Variants in EIPR1 observed in about 807,000 individuals in gnomAD.
EIPR1 encodes the protein EARP and GARP complex-interacting protein 1.
A neutral mutation model predicts 48.1 loss-of-function variants in EIPR1; 25 were observed. The observed-to-expected ratio is 0.52, with a 90% CI of 0.38 to 0.73. The LOEUF (loss-of-function observed/expected upper bound fraction) is 0.73. EIPR1 is among the 30% of genes least tolerant of loss of function. EIPR1 has a pLI of 0.00. For synonymous variants in EIPR1, 204 were observed against 201.9 expected (o/e 1.01, Z -0.09); for missense variants, 415 against 506.2 (o/e 0.82, Z 1.73).
At chr2:3,372,155 G>A (rs1368113971) in intron 1 of EIPR1, among the ~76,000 whole-genome samples, 3 of 150,836 alleles carry the variant, frequency 2.0e-5, no homozygotes, top group Non-Finnish European at 4.4e-5. Context: ...TGAAATGAAG[G>A]CAGAAATAAA....
chr2:3,277,924 T>G (rs1323891242), intron 3 of EIPR1, among the ~76,000 whole-genome samples: 1 of 152,196 alleles, frequency 6.6e-6, no homozygotes, highest in Admixed American at 6.5e-5. Flanking sequence ...GGCCCGTCCC[T>G]GCGTTCTCCA....
intron 1 of EIPR1, among the ~76,000 whole-genome samples, chr2:3,361,730 A>G: frequency 7.2e-6 from 1 of 139,226 alleles, no homozygotes; most frequent in East Asian, 2.1e-4. Context: ...GGGCACCTCC[A>G]CCCTCTGACC....
Position 3,338,037 on chromosome 2 carries a change from A to G in EIPR1, c.239T>C (p.Leu80Pro). 1 of 1,603,648 alleles carries G rather than the reference A, an allele frequency of 6.2e-7. No homozygotes were observed. The highest frequency in any genetic ancestry group is 8.5e-7 in the Non-Finnish European group (1 of 1,177,634). Residue 80 changes from leucine to proline, a missense_variant, in exon 3 of 9, where the codon CTG (leucine) becomes CCG (proline). Leu to Pro is a moderately conservative substitution (Grantham distance 98). Transcript: ENST00000382125. ...ISASPADRGVLTTCYNRTSDS... is the reference protein window; with the variant it reads ...ISASPADRGVPTTCYNRTSDS... The stretch of plus-strand genomic sequence containing the variant: ...CTTACTTCTGTTGTAGCAGGTCGTC[A>G]GCACACCTCTGTCTGCAGGGCTAGC...
intron 2 of EIPR1, among the ~76,000 whole-genome samples, chr2:3,341,740 G>T (rs1161924001): frequency 6.6e-6 from 1 of 151,954 alleles, no homozygotes; most frequent in Non-Finnish European, 1.5e-5. Context: ...TGTGTGGGGG[G>T]TACGTGGGCG....
At chr2:3,225,014 G>A (rs1302606854) in intron 4 of EIPR1, among the ~76,000 whole-genome samples, 1 of 152,210 alleles carries the variant, frequency 6.6e-6, no homozygotes. Context: ...TTCAATGTGA[G>A]TACTCCCTTG....
chr2:3,269,331 A>ATCGCACTCAGTCATCGCACTCAG lies in EIPR1; in HGVS notation c.260-11877_260-11876insCTGAGTGCGATGACTGAGTGCGA, dbSNP rs1553291778. On this transcript the variant is annotated intron_variant, in intron 3 of 8. Transcript: ENST00000382125. Reference sequence around the variant, plus strand: ...TCGCACTCAGTCATCGCACTCAATCATCATCACACTCAGTCATCGCACTCA... The same window carrying ATCGCACTCAGTCATCGCACTCAG: ...TCGCACTCAGTCATCGCACTCAATCATCGCACTCAGTCATCGCACTCAGTCATCACACTCAGTCATCGCACTCA... 2.3e-4 allele frequency among the ~76,000 whole-genome samples: 23 copies of ATCGCACTCAGTCATCGCACTCAG among 101,064 alleles called. 1 individual carries two copies. The highest frequency in any genetic ancestry group is 8.4e-4 in the African/African-American group (20 of 23,900). The allele number at this position is 101,064 out of a possible 152,430, so 66.3% of individuals were successfully genotyped here.
At chr2:3,324,231 C>T (rs1669622670) in intron 3 of EIPR1, among the ~76,000 whole-genome samples, 1 of 152,170 alleles carries the variant, frequency 6.6e-6, no homozygotes, top group South Asian at 2.1e-4. Flanking sequence ...AGAGCAGGTC[C>T]CCAGCCCCTG....
chr2:3,368,058 A>G (rs974961905), intron 1 of EIPR1, among the ~76,000 whole-genome samples: 9 of 152,154 alleles, frequency 5.9e-5, no homozygotes, highest in African/African-American at 1.9e-4. Flanking sequence ...AAGAAAAAAG[A>G]AAAGAAAATT....
At chr2:3,197,577 C>T (rs1664855426) in intron 5 of EIPR1, among the ~76,000 whole-genome samples, 1 of 152,220 alleles carries the variant, frequency 6.6e-6, no homozygotes, top group Non-Finnish European at 1.5e-5. Context: ...CTAAAACCTC[C>T]CCCTGCCTAA....
At chr2:3,263,136 C>T (rs1174824650) in intron 3 of EIPR1, among the ~76,000 whole-genome samples, 1 of 152,202 alleles carries the variant, frequency 6.6e-6, no homozygotes, top group African/African-American at 2.4e-5. Context: ...TGTCAGACGG[C>T]TACGCTCAGG....
rs190272782 is a variant in EIPR1 at position 3,218,818 on chromosome 2, A to G, written c.417-4570T>C. On this transcript the variant is annotated intron_variant, in intron 4 of 8. Coordinates refer to ENST00000382125, the MANE Select transcript of EIPR1 (RefSeq NM_003310.5). ...TGCACACCCAACACGGCCCTGATAC[A>G]CTCTAGAGCTTTCACAGTGAGTCAG... 1.8e-3 allele frequency among the ~76,000 whole-genome samples: 228 copies of G among 126,764 alleles called. 4 individuals carry two copies. The highest frequency in any genetic ancestry group is 6.8e-3 in the African/African-American group (220 of 32,314). The allele number at this position is 126,764 out of a possible 152,430, so 83.2% of individuals were successfully genotyped here. A position where few individuals can be genotyped will look rare whatever the true frequency, so the allele number is the denominator to read the frequency against.
intron 4 of EIPR1, among the ~76,000 whole-genome samples, chr2:3,233,262 A>G (rs1026450061): frequency 1.3e-5 from 2 of 152,168 alleles, no homozygotes; most frequent in African/African-American, 4.8e-5. Context: ...TCAAATAGAT[A>G]TAATTCTTTC....
chr2:3,377,261 C>T (rs2103399810), intron 1 of EIPR1: 1 of 209,602 alleles, frequency 4.8e-6, no homozygotes, highest in East Asian at 1.1e-4. Flanking sequence ...TACAACTCTT[C>T]TAAATACTTT....
In EIPR1 at chr2:3,287,324, A is replaced by ACTCCAGAAAGCTCGTTCACTGCG. The variant is rs1558274693; in HGVS notation, c.260-29892_260-29870dup. Among the ~76,000 whole-genome samples, 10 of 133,760 alleles carry ACTCCAGAAAGCTCGTTCACTGCG rather than the reference A, an allele frequency of 7.5e-5. No homozygotes were observed. The East Asian group carries it at 1.1e-3, about 15-fold the overall frequency. The allele number at this position is 133,760 out of a possible 152,430, so 87.8% of individuals were successfully genotyped here. On this transcript the variant is annotated intron_variant, in intron 3 of 8. Coordinates refer to ENST00000382125, the MANE Select transcript of EIPR1 (RefSeq NM_003310.5). ...ACACTCCAGAAAGCTCGTTCACCAC[A>ACTCCAGAAAGCTCGTTCACTGCG]CTCCAGAAAGCTCGTTCACTGCGCT...
In EIPR1 at chr2:3,215,411, C is replaced by T. The variant is rs373539654; in HGVS notation, c.417-1163G>A. ...ACCAGGCTCAGGGGTGATGTTAAGC[C>T]ATTTCCTAATGTTTGAGCCAATTGG... On this transcript the variant is annotated intron_variant, in intron 4 of 8. Transcript: ENST00000382125. Among the ~76,000 whole-genome samples the T allele has an allele frequency of 2.6e-4, 39 of 152,340 alleles. No individual in the cohort carries two copies. The South Asian group carries it at 7.9e-3, about 31-fold the overall frequency.
At chr2:3,260,485 C>T in intron 3 of EIPR1, among the ~76,000 whole-genome samples, 1 of 107,180 alleles carries the variant, frequency 9.3e-6, no homozygotes, top group South Asian at 3.8e-4. Flanking sequence ...AGCGAGACTC[C>T]ATCTCAAAAA....
intron 3 of EIPR1, among the ~76,000 whole-genome samples, chr2:3,315,136 T>C (rs566199357): frequency 2.6e-4 from 28 of 109,738 alleles, no homozygotes; most frequent in East Asian, 1.5e-3. Context: ...ACCATCATCA[T>C]CACTAGCATC....
chr2:3,268,448 C>T (rs941363492), intron 3 of EIPR1, among the ~76,000 whole-genome samples: 1 of 152,190 alleles, frequency 6.6e-6, no homozygotes, highest in Non-Finnish European at 1.5e-5. Context: ...CACAGTGGGC[C>T]GAGGTCTGCG....
At chr2:3,240,909 T>C (rs1394285875) in intron 4 of EIPR1, among the ~76,000 whole-genome samples, 2 of 76,620 alleles carry the variant, frequency 2.6e-5, no homozygotes, top group Admixed American at 1.3e-4. Context: ...AGCCAGCAGA[T>C]CCTTCCTAAA....
Sources: allele counts gnomAD v4.1 joint callset (sites outside exome capture counted in the v4.1 genomes callset), GRCh38; gene constraint gnomAD v4.1.1; transcripts MANE v1.5; gene names NCBI Gene and HGNC (gene_info 2026-07-23, HGNC 2026-07-21).